The following ITGB7 variants were observed in gnomAD, a reference collection of about 807,000 sequenced individuals.
ITGB7 encodes integrin subunit beta 7, also known as integrin beta-7.
ITGB7 carries 55 observed loss-of-function variants against 83.4 expected under a neutral mutation model. The observed-to-expected ratio is 0.66, with a 90% CI of 0.53 to 0.83. The LOEUF is 0.83. Among genes scored for constraint, ITGB7 ranks in the 40% least tolerant of loss-of-function variants. ITGB7 has a pLI of 0.00. For synonymous variants in ITGB7, 454 were observed against 423.6 expected, an observed-to-expected ratio of 1.07 and a Z score of -0.88; for missense variants, 921 against 1,046.7, an observed-to-expected ratio of 0.88 and a Z score of 1.66.
chr12:53,192,017 C>A lies in ITGB7; in HGVS notation c.2158G>T (p.Gly720Ter). 1 of 1,610,638 alleles carries A rather than the reference C, an allele frequency of 6.2e-7. No homozygotes were observed. Among genetic ancestry groups the A allele is most frequent in the East Asian group, 2.2e-5 (1 of 44,814 alleles). Residue 720 changes from glycine (G) to a stop codon, truncating the protein, a stop_gained and splice_region_variant, in exon 15 of 16, where the codon GGA becomes TGA. Transcript: ENST00000267082. LOFTEE classifies it high-confidence loss of function. The stretch of plus-strand genomic sequence containing the variant: ...ACAATGGCCTGCGTGTGGTCTGCTC[C>A]CTCTGTGAACAAGAAACCAGACACA... ...VVLRVRPQEK[G>*]ADHTQAIVLG... is the part of the protein sequence containing the mutation.
At chr12:53,201,961 C>T (rs779310772) in intron 1 of ITGB7, among the ~76,000 whole-genome samples, 4 of 152,202 alleles carry the variant, frequency 2.6e-5, no homozygotes, top group Non-Finnish European at 4.4e-5. Flanking sequence ...TATTATACAT[C>T]AGTGGAATAG....
intron 11 of ITGB7, 125 bp downstream of exon 11, chr12:53,193,583 A>ACGC: frequency 1.1e-6 from 1 of 903,850 alleles, no homozygotes; most frequent in South Asian, 1.8e-5. Flanking sequence ...AAGGGATGAA[A>ACGC]CTGAGTGGGG....
intron 14 of ITGB7, 151 bp downstream of exon 14, chr12:53,192,179 C>G: frequency 8.4e-7 from 1 of 1,186,762 alleles, no homozygotes; most frequent in Non-Finnish European, 1.2e-6. Flanking sequence ...GCCTTAGCCT[C>G]GTCCACTTGC....
chr12:53,191,827 T>A, intron 15 of ITGB7, 32 bp downstream of exon 15: 1 of 1,612,782 alleles, frequency 6.2e-7, no homozygotes, highest in Non-Finnish European at 8.5e-7. Flanking sequence ...GGGGAACAGC[T>A]AAAAAGGGGC....
intron 5 of ITGB7, chr12:53,197,072 G>A (rs1366442290): frequency 8.7e-6 from 5 of 572,620 alleles, no homozygotes; most frequent in South Asian, 8.5e-5. Context: ...AAGAAGGCCC[G>A]GGTATAGGAT....
chr12:53,191,501 C>A lies in ITGB7; in HGVS notation c.*55G>T. 7.1e-7 allele frequency: 1 copy of A among 1,400,084 alleles called. No individual in the cohort carries two copies. The highest frequency in any genetic ancestry group is 1.0e-6 in the Non-Finnish European group (1 of 984,938). 86.7% of individuals were successfully genotyped at this position (1,400,084 alleles called of 1,614,324 possible). A position where few individuals can be genotyped will look rare whatever the true frequency, so the allele number is the denominator to read the frequency against. On this transcript the variant is annotated 3_prime_UTR_variant, in exon 16 of 16. Transcript: ENST00000267082. ...ACAGACCCACCCTTCCTCTCACCCT[C>A]CAGTTCCCACTGTCCTCCAAGGAGA...
intron 1 of ITGB7, among the ~76,000 whole-genome samples, chr12:53,203,288 A>T (rs562462670): frequency 1.6e-4 from 25 of 152,312 alleles, no homozygotes; most frequent in African/African-American, 5.8e-4. Context: ...CAAAGAAGAT[A>T]GACAAATAGC....
At position 53,197,626 on chromosome 12, in the gene ITGB7, A is replaced by G. The variant is rs376605231; in HGVS notation, c.441T>C (p.Ala147=). The part of the protein sequence containing the change: ...PQQLQVRFLR[A]EGYPVDLYYL... Reference sequence around the variant, plus strand: ...AGTACAGGTCCACCGGGTATCCCTCAGCACGAAGGAAGCGGACCTGGAGCT... The same window carrying G: ...AGTACAGGTCCACCGGGTATCCCTCGGCACGAAGGAAGCGGACCTGGAGCT... The change falls in exon 5 of 16, where the codon GCT becomes GCC. Residue 147 remains alanine, a synonymous_variant. Transcript: ENST00000267082. 5 of 1,614,088 alleles carry G rather than the reference A, an allele frequency of 3.1e-6. No homozygotes were observed. The highest frequency in any genetic ancestry group is 4.2e-6 in the Non-Finnish European group (5 of 1,179,970).
At position 53,194,313 on chromosome 12, in the gene ITGB7, G is replaced by C. The variant is rs748834176; in HGVS notation, c.1193C>G (p.Ser398Cys). The C allele has an allele frequency of 6.2e-7, 1 of 1,614,064 alleles. No homozygotes were observed. Among genetic ancestry groups the C allele is most frequent in the Non-Finnish European group, 8.5e-7 (1 of 1,179,976 alleles). The change falls in exon 10 of 16, where the codon TCT (serine) becomes TGT (cysteine). Residue 398 changes from serine (S) to cysteine (C), a missense_variant. Coordinates refer to ENST00000267082, the MANE Select transcript of ITGB7 (RefSeq NM_000889.3). Reference sequence around the variant, plus strand: ...AATGTGGACCCCAGGAGGGAGTGAAGAGTGTTCAAGGGTCACGGTGGAAGA... The same window carrying C: ...AATGTGGACCCCAGGAGGGAGTGAACAGTGTTCAAGGGTCACGGTGGAAGA... Reference protein sequence around the residue: ...SLSSTVTLEHSSLPPGVHISY... With the variant: ...SLSSTVTLEHCSLPPGVHISY...
At chr12:53,198,721 G>C (rs116234831) in intron 3 of ITGB7, among the ~76,000 whole-genome samples, 123 of 152,182 alleles carry the variant, frequency 8.1e-4, no homozygotes, top group African/African-American at 2.8e-3. Flanking sequence ...AAAAACAGGG[G>C]CCTTGCCTCC....
chr12:53,195,248 A>G (rs972512435), intron 9 of ITGB7, 126 bp downstream of exon 9: 4 of 695,094 alleles, frequency 5.8e-6, no homozygotes, highest in Admixed American at 4.2e-5. Flanking sequence ...GACTATAGGT[A>G]GGAGCTGTGG....
intron 3 of ITGB7, among the ~76,000 whole-genome samples, chr12:53,198,293 T>A (rs1391656077): frequency 1.3e-5 from 2 of 151,920 alleles, no homozygotes; most frequent in Non-Finnish European, 2.9e-5. Context: ...CACGCCCAGG[T>A]TTTTTGTATT....
chr12:53,199,119 C>T (rs1468178484), intron 3 of ITGB7, among the ~76,000 whole-genome samples: 1 of 152,154 alleles, frequency 6.6e-6, no homozygotes, highest in African/African-American at 2.4e-5. Context: ...GCATCTGTAG[C>T]TCTGCTTCCA....
chr12:53,197,149 A>C (rs866588758), intron 5 of ITGB7: 1 of 547,938 alleles, frequency 1.8e-6, no homozygotes, highest in Middle Eastern at 4.8e-4. Flanking sequence ...ATGTGGAGCC[A>C]GGGACAGTGG....
At position 53,200,554 on chromosome 12, in the gene ITGB7, ACTTTATC is replaced by A; in HGVS notation, c.-3-115_-3-109del. 3 of 829,414 alleles carry A rather than the reference ACTTTATC, an allele frequency of 3.6e-6. No homozygotes were observed. The South Asian group carries it at 5.0e-5, about 14-fold the overall frequency. 51.4% of individuals were successfully genotyped at this position (829,414 alleles called of 1,614,324 possible). On this transcript the variant is annotated intron_variant, in intron 2 of 15. Transcript: ENST00000267082. The stretch of plus-strand genomic sequence containing the variant: ...ATCACTCTCAAAACTCTGCCCCAAC[ACTTTATC>A]TCCCCTCATAGTTTCACTTCCCCTG...
chr12:53,204,328 C>T (rs752853171), intron 1 of ITGB7, among the ~76,000 whole-genome samples: 2 of 149,896 alleles, frequency 1.3e-5, no homozygotes, highest in African/African-American at 2.5e-5. Context: ...TGCAGTGAGC[C>T]GAGATTGTGC....
chr12:53,200,198 C>A, intron 3 of ITGB7, 45 bp downstream of exon 3: 2 of 1,508,896 alleles, frequency 1.3e-6, no homozygotes, highest in East Asian at 4.5e-5. Context: ...TATACACATA[C>A]ACATACACAT....
chr12:53,200,121 G>T (rs1942288788), intron 3 of ITGB7, 122 bp downstream of exon 3: 1 of 827,298 alleles, frequency 1.2e-6, no homozygotes, highest in East Asian at 2.6e-5. Context: ...ATGAGACTGT[G>T]GAGTGTTCCC....
chr12:53,204,389 A>G (rs560149535), intron 1 of ITGB7, among the ~76,000 whole-genome samples: 15 of 152,282 alleles, frequency 9.9e-5, no homozygotes, highest in African/African-American at 3.4e-4. Flanking sequence ...TCAAAAAAAA[A>G]AAAAAAATGA....
Sources: gnomAD v4.1 joint callset for allele counts (sites outside exome capture counted in the v4.1 genomes callset) on GRCh38, gnomAD v4.1.1 for gene constraint, MANE v1.5 for transcripts, NCBI Gene and HGNC (gene_info 2026-07-23, HGNC 2026-07-21) for gene names.